Variants in CENPE observed in about 807,000 individuals in gnomAD.
The protein encoded by CENPE is centromere-associated protein E.
In CENPE, 145 loss-of-function variants were observed where a neutral mutation model predicts 336.1. The observed-to-expected ratio is 0.43, with a 90% CI of 0.38 to 0.50. The LOEUF is 0.50. Ranked by LOEUF, CENPE falls within the 20% of genes least tolerant of loss-of-function variation. The pLI is 0.00. For missense variants in CENPE, 2,719 were observed against 3,023.3 expected, an observed-to-expected ratio of 0.90 and a Z score of 2.36; for synonymous variants, 1,013 against 984.8, an observed-to-expected ratio of 1.03 and a Z score of -0.54.
chr4:103,150,344 G>A (rs926483554), intron 26 of CENPE, among the ~76,000 whole-genome samples: 3 of 152,212 alleles, frequency 2.0e-5, no homozygotes, highest in Non-Finnish European at 4.4e-5. Context: ...CACTTTGGAA[G>A]GCTGAGGCAG....
At chr4:103,114,950 C>A (rs764919374) in intron 45 of CENPE, among the ~76,000 whole-genome samples, 4 of 152,090 alleles carry the variant, frequency 2.6e-5, no homozygotes, top group Admixed American at 1.3e-4. Context: ...GGAAAGCAAA[C>A]CCTGACTGCA....
chr4:103,182,819 T>G lies in CENPE; in HGVS notation c.906A>C (p.Thr302=), dbSNP rs140870425. ...CTGGAGTAATTGTGCAGATAATACG[T>G]GTCTTTGCATTTCCTCCCAAGGAAT... ...LQNSLGGNAK[T]RIICTITPVS... is the part of the protein sequence containing the mutation. The change falls in exon 11 of 49, where the codon ACA becomes ACC. Residue 302 remains threonine (T), a synonymous_variant. Transcript: ENST00000265148. 6 of 1,612,592 alleles carry G rather than the reference T, an allele frequency of 3.7e-6. No individual in the cohort carries two copies. The highest frequency in any genetic ancestry group is 1.7e-5 in the Admixed American group (1 of 59,982).
Position 103,118,709 on chromosome 4 carries a change from A to C in CENPE, c.7329+1439T>G, listed in dbSNP as rs115736825. 4.7e-3 allele frequency among the ~76,000 whole-genome samples: 711 copies of C among 152,292 alleles called. 4 individuals are homozygous for C. The highest frequency in any genetic ancestry group is 0.016 in the African/African-American group (650 of 41,546). The stretch of plus-strand genomic sequence containing the variant: ...CTATTTTGAGTTAATTTTTGTGAAA[A>C]GTATAAGTTCTTTGTCTTTTTTTGC... On this transcript the variant is annotated intron_variant, in intron 44 of 48. Transcript: ENST00000265148.
intron 9 of CENPE, among the ~76,000 whole-genome samples, chr4:103,184,156 C>T (rs539558147): frequency 6.6e-6 from 1 of 152,246 alleles, no homozygotes; most frequent in South Asian, 2.1e-4. Flanking sequence ...CCTAACCAAC[C>T]GGCTAAAACA....
rs1312386223 is a variant in CENPE, at chr4:103,143,413, CA to C, written c.5146-8del. 6.4e-7 allele frequency: 1 copy of C among 1,555,548 alleles called. No homozygotes were observed. The highest frequency in any genetic ancestry group is 1.1e-5 in the South Asian group (1 of 88,760). On this transcript the variant is annotated splice_region_variant and splice_polypyrimidine_tract_variant and intron_variant, in intron 33 of 48. Coordinates refer to ENST00000265148, the MANE Select transcript of CENPE (RefSeq NM_001813.3). ...CCTCTTGTTTTTCTAGGTCCTTTATCAATAGAAAAATAAAAATAATACATTG... is the reference window on the plus strand; with the variant it reads ...CCTCTTGTTTTTCTAGGTCCTTTATCATAGAAAAATAAAAATAATACATTG...
Position 103,158,688 on chromosome 4 carries a change from G to T in CENPE, c.2800C>A (p.Leu934Ile). The T allele has an allele frequency of 6.2e-7, 1 of 1,612,492 alleles. No homozygotes were observed. ...VKTLTQEKDDLKQLQESLQIE... is the reference protein window; with the variant it reads ...VKTLTQEKDDIKQLQESLQIE... ...TGCAAGCTTTCTTGGAGTTGTTTTA[G>T]ATCATCTTTTTCTTGAGTTAAAGTT... The change falls in exon 23 of 49, where the codon CTA becomes ATA. Residue 934 changes from leucine (L) to isoleucine (I), a missense_variant. Physicochemically the swap from Leu to Ile is conservative, Grantham distance 5 (BLOSUM62 2). Coordinates refer to ENST00000265148, the MANE Select transcript of CENPE (RefSeq NM_001813.3).
At chr4:103,159,961 C>T (rs1179851852) in intron 21 of CENPE, among the ~76,000 whole-genome samples, 6 of 151,718 alleles carry the variant, frequency 4.0e-5, no homozygotes, top group African/African-American at 9.7e-5. Flanking sequence ...GGCAATACAG[C>T]GTGTAGCTAC....
At chr4:103,184,102 T>G (rs567988553) in intron 9 of CENPE, among the ~76,000 whole-genome samples, 1 of 152,340 alleles carries the variant, frequency 6.6e-6, no homozygotes. Flanking sequence ...TGAACAGATG[T>G]TATTTCACAG....
rs759405697 is a variant in CENPE at position 103,138,446 on chromosome 4, G to A, written c.6208C>T (p.Arg2070Ter). The A allele has an allele frequency of 2.5e-6, 4 of 1,611,058 alleles. No individual in the cohort carries two copies. The highest frequency in any genetic ancestry group is 2.7e-5 in the African/African-American group (2 of 74,762). ...TCAGGTTTTACTTGGTGGTTCTGTC[G>A]GTCCTGCTTTGGTAAAAAGAAAATA... is the stretch of plus-strand genomic sequence containing the variant. ...ATLREMIARD[R>*]QNHQVKPEKR... is the part of the protein sequence containing the mutation. The change falls in exon 39 of 49, where the codon CGA (arginine) becomes TGA (stop). Residue 2070 changes from arginine to a stop codon, truncating the protein, a stop_gained. Transcript: ENST00000265148. LOFTEE classifies it high-confidence loss of function.
chr4:103,157,912 C>A (rs545326972), intron 24 of CENPE, among the ~76,000 whole-genome samples: 1 of 151,702 alleles, frequency 6.6e-6, no homozygotes, highest in Admixed American at 6.6e-5. Context: ...ATTACTGTTA[C>A]CAATATATCT....
At chr4:103,167,196 T>C (rs907005387) in intron 16 of CENPE, among the ~76,000 whole-genome samples, 6 of 152,180 alleles carry the variant, frequency 3.9e-5, no homozygotes, top group South Asian at 2.1e-4. Context: ...CATCCATATA[T>C]AAAATAGTCA....
At chr4:103,119,050 C>T (rs1750383858) in intron 44 of CENPE, among the ~76,000 whole-genome samples, 1 of 152,116 alleles carries the variant, frequency 6.6e-6, no homozygotes, top group African/African-American at 2.4e-5. Context: ...TCCTCAACTC[C>T]TGTATATACA....
rs1179755605 is a variant in CENPE at position 103,195,219 on chromosome 4, T to C, written c.372A>G (p.Glu124=). 6.3e-7 allele frequency: 1 copy of C among 1,576,466 alleles called. No individual in the cohort carries two copies. The highest frequency in any genetic ancestry group is 2.3e-5 in the East Asian group (1 of 43,732). The change falls in exon 5 of 49, where the codon GAA becomes GAG. Residue 124 remains glutamate, a synonymous_variant. Transcript: ENST00000265148. The part of the protein sequence containing the change: ...FQKIKKFPDR[E]FLLRVSYMEI... The stretch of plus-strand genomic sequence containing the variant: ...CCATGTAAGATACACGTAAGAGAAA[T>C]TCCCTATCAGGAAACTAGAAGAAAA...
At chr4:103,123,523 A>G (rs1750830992) in intron 42 of CENPE, among the ~76,000 whole-genome samples, 1 of 152,158 alleles carries the variant, frequency 6.6e-6, no homozygotes, top group South Asian at 2.1e-4. Flanking sequence ...AAAAGTTCTC[A>G]ACTTAATAAG....
intron 14 of CENPE, among the ~76,000 whole-genome samples, chr4:103,176,308 G>C (rs1320630756): frequency 6.6e-6 from 1 of 152,222 alleles, no homozygotes; most frequent in East Asian, 1.9e-4. Context: ...GACAAATTCT[G>C]AATTTGAGAT....
At position 103,151,374 on chromosome 4, in the gene CENPE, T is replaced by C. The variant is rs142291492; in HGVS notation, c.3241A>G (p.Ile1081Val). ...AGTCTTAATTCTTCCTGGTTTTCAA[T>C]GGTCTAGAAAGAAAAAAAAAGTTGA... is the stretch of plus-strand genomic sequence containing the variant. ...TDLKENIEMT[I>V]ENQEELRLLG... The change falls in exon 26 of 49, where the codon ATT (isoleucine) becomes GTT (valine). Residue 1081 changes from isoleucine (I) to valine (V), a missense_variant. Around this residue, in one of 5 missense-constraint regions of CENPE, gnomAD observed 2,437 missense variants for 2,513.3 expected, o/e 0.97. Transcript: ENST00000265148. 3.2e-6 allele frequency: 5 copies of C among 1,566,636 alleles called. No homozygotes were observed. The African/African-American group carries it at 4.2e-5, about 13-fold the overall frequency.
In CENPE at chr4:103,139,949, CTT is replaced by C. The variant is rs750773349; in HGVS notation, c.6042_6043del (p.Ser2015CysfsTer5). 1 of 1,613,408 alleles carries C rather than the reference CTT, an allele frequency of 6.2e-7. No individual in the cohort carries two copies. The highest frequency in any genetic ancestry group is 1.1e-5 in the South Asian group (1 of 91,072). ...CAACTGGAAGTTATCCATTCTCACACTTTGCATAGATAAGTTTTGGGCCTCAA... is the reference window on the plus strand; with the variant it reads ...CAACTGGAAGTTATCCATTCTCACACTGCATAGATAAGTTTTGGGCCTCAA... On this transcript the variant is annotated frameshift_variant, in exon 38 of 49. Transcript: ENST00000265148. LOFTEE classifies it high-confidence loss of function.
At chr4:103,114,189 T>A (rs377161368) in intron 46 of CENPE, among the ~76,000 whole-genome samples, 1 of 152,208 alleles carries the variant, frequency 6.6e-6, no homozygotes, top group African/African-American at 2.4e-5. Flanking sequence ...TGCCTGAAGG[T>A]ATCTTCACTA....
Position 103,145,225 on chromosome 4 carries a change from T to A in CENPE, c.4682A>T (p.Asp1561Val). Residue 1561 changes from aspartate to valine, a missense_variant, in exon 32 of 49, where the codon GAT becomes GTT. Coordinates refer to ENST00000265148, the MANE Select transcript of CENPE (RefSeq NM_001813.3). ...KQFKEHRKAK[D>V]SALQSIESKM... is the part of the protein sequence containing the mutation. ...ACTTTCTATACTTTGTAGTGCTGAA[T>A]CCTTGGCTTTGCGATGCTCCTTGAA... 6.2e-7 allele frequency: 1 copy of A among 1,613,858 alleles called. No homozygotes were observed. The highest frequency in any genetic ancestry group is 8.5e-7 in the Non-Finnish European group (1 of 1,179,856).
Sources: gnomAD v4.1 joint callset for allele counts (sites outside exome capture counted in the v4.1 genomes callset) on GRCh38, gnomAD v4.1.1 for gene constraint, gnomAD v4.1.1 regional missense constraint, MANE v1.5 for transcripts, NCBI Gene and HGNC (gene_info 2026-07-23, HGNC 2026-07-21) for gene names.